Variants in JAZF1 observed in about 807,000 individuals in gnomAD.
JAZF1 encodes JAZF zinc finger 1.
JAZF1 carries 8 observed loss-of-function variants against 26.4 expected under a neutral mutation model. The observed-to-expected ratio is 0.30, with a 90% CI of 0.18 to 0.55. The LOEUF (loss-of-function observed/expected upper bound fraction) is 0.55, where lower values mean the gene tolerates loss of function less well. Among genes scored for constraint, JAZF1 ranks in the 20% least tolerant of loss-of-function variants. The pLI is 0.94. For synonymous variants in JAZF1, 126 were observed against 122.3 expected, an observed-to-expected ratio of 1.03 and a Z score of -0.20; for missense variants, 199 against 322.0, an observed-to-expected ratio of 0.62 and a Z score of 2.92.
chr7:27,909,366 G>A (rs948055973), intron 2 of JAZF1, among the ~76,000 whole-genome samples: 2 of 151,044 alleles, frequency 1.3e-5, no homozygotes, highest in African/African-American at 2.4e-5. Flanking sequence ...AGATGTTGAT[G>A]ATGGTGATAA....
At chr7:28,095,252 T>G (rs753334343) in intron 1 of JAZF1, among the ~76,000 whole-genome samples, 1 of 152,226 alleles carries the variant, frequency 6.6e-6, no homozygotes, top group East Asian at 1.9e-4. Context: ...ATTTTTATAC[T>G]GCTATGAAGA....
chr7:27,893,817 G>A (rs544361955), intron 3 of JAZF1, among the ~76,000 whole-genome samples: 33 of 152,316 alleles, frequency 2.2e-4, no homozygotes, highest in African/African-American at 7.7e-4. Context: ...TGCCCAAGGA[G>A]GAACAGTGAC....
At chr7:27,950,273 G>A (rs1167671863) in intron 2 of JAZF1, among the ~76,000 whole-genome samples, 1 of 152,224 alleles carries the variant, frequency 6.6e-6, no homozygotes, top group Non-Finnish European at 1.5e-5. Context: ...ACAGTCTGAT[G>A]TCAGAGCAGG....
intron 1 of JAZF1, among the ~76,000 whole-genome samples, chr7:28,048,988 CTTCCTTCCT>C (rs1033725174): frequency 7.0e-6 from 1 of 142,432 alleles, no homozygotes; most frequent in Non-Finnish European, 1.6e-5. Context: ...CCTTCCTTCC[CTTCCTTCCT>C]TCCCTTCCTT....
At chr7:28,124,417 G>T (rs1343195859) in intron 1 of JAZF1, among the ~76,000 whole-genome samples, 1 of 152,190 alleles carries the variant, frequency 6.6e-6, no homozygotes, top group Admixed American at 6.5e-5. Context: ...AGCGGTTCTC[G>T]AGAGAAAGGG....
At chr7:28,162,012 C>T (rs1403383335) in intron 1 of JAZF1, among the ~76,000 whole-genome samples, 1 of 152,160 alleles carries the variant, frequency 6.6e-6, no homozygotes, top group Admixed American at 6.5e-5. Flanking sequence ...AGTTGCAGCA[C>T]AATAAATTGT....
rs548029017 is a variant in JAZF1, at chr7:28,000,719, A to G, written c.116-8738T>C. On this transcript the variant is annotated intron_variant, in intron 1 of 4. Coordinates refer to ENST00000283928, the MANE Select transcript of JAZF1 (RefSeq NM_175061.4). The stretch of plus-strand genomic sequence containing the variant: ...CTGCAACCTCTGCCTCCCACGTTCA[A>G]TCGATTCTCATGCCTCAGCCTCCTG... Among the ~76,000 whole-genome samples, 5 of 149,806 alleles carry G rather than the reference A, an allele frequency of 3.3e-5. No individual in the cohort carries two copies. In the South Asian group the frequency reaches 8.4e-4, roughly 25 times the overall value.
At chr7:27,945,524 A>G (rs948095325) in intron 2 of JAZF1, among the ~76,000 whole-genome samples, 3 of 152,074 alleles carry the variant, frequency 2.0e-5, no homozygotes, top group Middle Eastern at 3.4e-3. Context: ...CACTTCCCAC[A>G]CCCAGGTCAA....
intron 1 of JAZF1, among the ~76,000 whole-genome samples, chr7:28,063,494 C>T (rs1371431957): frequency 6.6e-6 from 1 of 152,020 alleles, no homozygotes; most frequent in African/African-American, 2.4e-5. Context: ...AAAAAATTTC[C>T]TCCAAAAAAA....
chr7:28,153,319 TAA>T (rs11367602), intron 1 of JAZF1, among the ~76,000 whole-genome samples: 1 of 147,826 alleles, frequency 6.8e-6, no homozygotes, highest in African/African-American at 2.5e-5. Flanking sequence ...ACACTTCCAC[TAA>T]AAAAAAAAAT....
intron 1 of JAZF1, among the ~76,000 whole-genome samples, chr7:28,116,986 G>A (rs1271032786): frequency 6.6e-6 from 1 of 151,932 alleles, no homozygotes; most frequent in Non-Finnish European, 1.5e-5. Context: ...ACCACACCCA[G>A]CTAATTTTTG....
intron 2 of JAZF1, among the ~76,000 whole-genome samples, chr7:27,957,927 A>G (rs1049861467): frequency 2.0e-5 from 3 of 152,248 alleles, no homozygotes; most frequent in Non-Finnish European, 4.4e-5. Flanking sequence ...CAAGTTTTAC[A>G]TATCTATGCA....
At position 28,031,034 on chromosome 7, in the gene JAZF1, T is replaced by C. The variant is rs118180552; in HGVS notation, c.116-39053A>G. Among the ~76,000 whole-genome samples, 793 of 152,338 alleles carry C rather than the reference T, an allele frequency of 5.2e-3. 4 individuals carry two copies. Among genetic ancestry groups the C allele is most frequent in the Middle Eastern group, 0.014 (4 of 294 alleles). ...ATCTCATCAATTACCTAACTACCTA[T>C]TCTTGGCAAAGCTTGGTTGCTATAC... On this transcript the variant is annotated intron_variant, in intron 1 of 4. Coordinates refer to ENST00000283928, the MANE Select transcript of JAZF1 (RefSeq NM_175061.4).
chr7:27,855,008 T>C (rs748341350), intron 3 of JAZF1, among the ~76,000 whole-genome samples: 2 of 152,212 alleles, frequency 1.3e-5, no homozygotes, highest in African/African-American at 2.4e-5. Context: ...CAATCAAACA[T>C]AGGTTCGGTC....
chr7:27,909,162 A>ACCAGGCCCTGCTAATTTTGAATAACCAC (rs538899839), intron 2 of JAZF1, among the ~76,000 whole-genome samples: 9 of 151,482 alleles, frequency 5.9e-5, no homozygotes, highest in Admixed American at 4.6e-4. Context: ...GTTGCACACC[A>ACCAGGCCCTGCTAATTTTGAATAACCAC]CCAGGCCCTG....
chr7:27,852,204 T>C lies in JAZF1; in HGVS notation c.386-11337A>G, dbSNP rs547685696. 5.3e-5 allele frequency among the ~76,000 whole-genome samples: 8 copies of C among 151,672 alleles called. No homozygotes were observed. The South Asian group carries it at 1.5e-3, about 28-fold the overall frequency. The stretch of plus-strand genomic sequence containing the variant: ...TGGAGTGCAGTGGAGCGATCTGAGC[T>C]CACTGCAACCTCCACCTCCCAGGTT... On this transcript the variant is annotated intron_variant, in intron 3 of 4. Coordinates refer to ENST00000283928, the MANE Select transcript of JAZF1 (RefSeq NM_175061.4).
intron 3 of JAZF1, among the ~76,000 whole-genome samples, chr7:27,881,694 C>T (rs889950256): frequency 2.6e-5 from 4 of 152,174 alleles, no homozygotes; most frequent in Non-Finnish European, 5.9e-5. Context: ...TAACTGTTAG[C>T]ACACTGTTAG....
At chr7:27,901,462 A>G (rs1009850085) in intron 2 of JAZF1, among the ~76,000 whole-genome samples, 1 of 152,200 alleles carries the variant, frequency 6.6e-6, no homozygotes, top group Non-Finnish European at 1.5e-5. Context: ...GGAAATGTAC[A>G]CTATTTGCTG....
intron 1 of JAZF1, among the ~76,000 whole-genome samples, chr7:28,050,581 T>C (rs1783595808): frequency 6.6e-6 from 1 of 152,246 alleles, no homozygotes; most frequent in African/African-American, 2.4e-5. Context: ...ACTATCACTG[T>C]ATCTCATTTG....
Sources: gnomAD v4.1 joint callset for allele counts (sites outside exome capture counted in the v4.1 genomes callset) on GRCh38, gnomAD v4.1.1 for gene constraint, MANE v1.5 for transcripts, NCBI Gene and HGNC (gene_info 2026-07-23, HGNC 2026-07-21) for gene names.